AP3S1: variants seen among roughly 807,000 people sequenced by gnomAD.
The protein encoded by AP3S1 is adaptor related protein complex 3 subunit sigma 1.
In AP3S1, 12 loss-of-function variants were observed where a neutral mutation model predicts 21.3. The ratio of observed to expected loss-of-function variants is 0.56; its 90% CI spans 0.36 to 0.91. AP3S1 has a LOEUF of 0.91. Among genes scored for constraint, AP3S1 ranks in the 40% least tolerant of loss-of-function variants. The pLI is 0.01. For missense variants in AP3S1, 116 were observed against 225.0 expected (o/e 0.52, Z 3.10); for synonymous variants, 48 against 78.4 (o/e 0.61, Z 2.05).
intron 5 of AP3S1, chr5:115,909,049 T>A (rs10063812): frequency 0.16 from 143,489 of 905,868 alleles, 12,415 homozygotes; most frequent in African/African-American, 0.31. Context: ...ATACGTACAG[T>A]TTGTTCCAAC....
chr5:115,900,142 G>A (rs554603281), intron 4 of AP3S1, among the ~76,000 whole-genome samples: 2 of 152,186 alleles, frequency 1.3e-5, no homozygotes, highest in South Asian at 4.1e-4. Context: ...TGAAGACAAA[G>A]ATGGGCTTAA....
At chr5:115,908,531 C>A (rs192340041) in intron 5 of AP3S1, among the ~76,000 whole-genome samples, 1 of 151,826 alleles carries the variant, frequency 6.6e-6, no homozygotes, top group East Asian at 2.0e-4. Flanking sequence ...TTGTAATGGT[C>A]AAAACTAGTA....
intron 3 of AP3S1, among the ~76,000 whole-genome samples, chr5:115,875,807 C>A (rs1218452007): frequency 6.6e-6 from 1 of 152,078 alleles, no homozygotes; most frequent in African/African-American, 2.4e-5. Context: ...TTTGGGCAAC[C>A]CCCAGTTTTT....
chr5:115,905,659 G>T (rs1751587023), intron 5 of AP3S1, among the ~76,000 whole-genome samples: 1 of 152,122 alleles, frequency 6.6e-6, no homozygotes, highest in South Asian at 2.1e-4. Context: ...TATATTTTAA[G>T]TATGTTTGAA....
intron 5 of AP3S1, among the ~76,000 whole-genome samples, chr5:115,909,770 G>T (rs1417593727): frequency 6.6e-6 from 1 of 152,128 alleles, no homozygotes; most frequent in East Asian, 1.9e-4. Context: ...TGTATTTACA[G>T]TAATCCCCCC....
intron 5 of AP3S1, among the ~76,000 whole-genome samples, chr5:115,907,376 C>G (rs1334237406): frequency 6.6e-6 from 1 of 152,078 alleles, no homozygotes; most frequent in African/African-American, 2.4e-5. Flanking sequence ...GCAGTGAAGG[C>G]TTAGAATAGT....
chr5:115,883,213 G>A (rs186721321), intron 3 of AP3S1, among the ~76,000 whole-genome samples: 3 of 152,274 alleles, frequency 2.0e-5, no homozygotes, highest in East Asian at 3.9e-4. Flanking sequence ...GGGAGTGAAC[G>A]GTTCTGTCTC....
intron 1 of AP3S1, among the ~76,000 whole-genome samples, chr5:115,865,515 G>T (rs955606175): frequency 6.6e-6 from 1 of 152,128 alleles, no homozygotes; most frequent in Non-Finnish European, 1.5e-5. Context: ...GAAAGTGCTG[G>T]TTAATAAAAC....
chr5:115,887,955 A>G (rs1182873702), intron 3 of AP3S1, among the ~76,000 whole-genome samples: 2 of 152,118 alleles, frequency 1.3e-5, no homozygotes, highest in South Asian at 2.1e-4. Context: ...TATTTGGAGG[A>G]GGCATTTTTC....
At chr5:115,851,480 C>A (rs763044666) in intron 1 of AP3S1, among the ~76,000 whole-genome samples, 3 of 151,986 alleles carry the variant, frequency 2.0e-5, no homozygotes, top group African/African-American at 7.2e-5. Flanking sequence ...TCTACATCCA[C>A]GTTATTTTTT....
At chr5:115,842,411 G>C (rs1761662059) in intron 1 of AP3S1, 2 of 277,952 alleles carry the variant, frequency 7.2e-6, no homozygotes, top group Non-Finnish European at 1.3e-5. Context: ...CTCGCCGATC[G>C]GGCAGCCGCA....
At chr5:115,847,000 A>G (rs1355923475) in intron 1 of AP3S1, among the ~76,000 whole-genome samples, 1 of 152,194 alleles carries the variant, frequency 6.6e-6, no homozygotes, top group East Asian at 1.9e-4. Flanking sequence ...TTGTAGATCC[A>G]ATTTCTTTCT....
intron 1 of AP3S1, among the ~76,000 whole-genome samples, chr5:115,843,191 C>T (rs1761772684): frequency 1.3e-5 from 2 of 152,196 alleles, no homozygotes; most frequent in African/African-American, 4.8e-5. Context: ...TATTGTGGCA[C>T]TTTGCTTATA....
intron 1 of AP3S1, among the ~76,000 whole-genome samples, chr5:115,845,101 A>G (rs1266828071): frequency 1.3e-5 from 2 of 152,202 alleles, no homozygotes; most frequent in Non-Finnish European, 2.9e-5. Flanking sequence ...AAAAGTAATG[A>G]TGGCATATGT....
intron 1 of AP3S1, among the ~76,000 whole-genome samples, chr5:115,865,930 C>T (rs1042245409): frequency 6.6e-6 from 1 of 152,192 alleles, no homozygotes; most frequent in Non-Finnish European, 1.5e-5. Flanking sequence ...TCCCGAGTAG[C>T]TGGGATTACA....
chr5:115,847,360 G>A (rs1444509421), intron 1 of AP3S1, among the ~76,000 whole-genome samples: 1 of 152,214 alleles, frequency 6.6e-6, no homozygotes, highest in East Asian at 1.9e-4. Flanking sequence ...GCTCATGCCT[G>A]TAATCCCAGC....
chr5:115,867,124 T>C (rs1763688529), intron 2 of AP3S1, among the ~76,000 whole-genome samples: 1 of 152,158 alleles, frequency 6.6e-6, no homozygotes, highest in Non-Finnish European at 1.5e-5. Flanking sequence ...ATAAAGTATG[T>C]TATATGTGTT....
At chr5:115,901,863 C>T (rs769491379) in intron 4 of AP3S1, among the ~76,000 whole-genome samples, 26 of 151,840 alleles carry the variant, frequency 1.7e-4, no homozygotes, top group Non-Finnish European at 2.8e-4. Context: ...AATAAATTTG[C>T]GTGAAATCTT....
intron 3 of AP3S1, among the ~76,000 whole-genome samples, chr5:115,883,560 T>C (rs1007596721): frequency 2.0e-4 from 31 of 152,210 alleles, no homozygotes; most frequent in Non-Finnish European, 8.8e-5. Flanking sequence ...CCCAATGAGA[T>C]GAGCCAGGTA....
Sources: gnomAD v4.1 joint callset for allele counts (sites outside exome capture counted in the v4.1 genomes callset) on GRCh38, gnomAD v4.1.1 for gene constraint, MANE v1.5 for transcripts, NCBI Gene and HGNC (gene_info 2026-07-23, HGNC 2026-07-21) for gene names.